The following DNAH9 variants were observed in gnomAD, a reference collection of about 807,000 sequenced individuals.
DNAH9 encodes DNAH9 variant protein.
DNAH9 carries 345 observed loss-of-function variants against 471.6 expected under a neutral mutation model. That is an observed-to-expected ratio of 0.73 (90% CI 0.67 to 0.80). The LOEUF (loss-of-function observed/expected upper bound fraction) is 0.80, where lower values mean the gene tolerates loss of function less well. Ranked by LOEUF, DNAH9 falls within the 30% of genes least tolerant of loss-of-function variation. The pLI is 0.00. For missense variants in DNAH9, 5,407 were observed against 5,609.2 expected (o/e 0.96, Z 1.15); for synonymous variants, 2,093 against 2,123.6 (o/e 0.99, Z 0.40).
At chr17:11,750,032 T>G (rs958816738) in intron 32 of DNAH9, among the ~76,000 whole-genome samples, 1 of 152,176 alleles carries the variant, frequency 6.6e-6, no homozygotes, top group African/African-American at 2.4e-5. Context: ...AGTTAAAATT[T>G]TATTAGATTT....
intron 10 of DNAH9, 59 bp from the exon 11 acceptor site, chr17:11,644,572 C>T (rs1382982884): frequency 1.5e-6 from 2 of 1,294,816 alleles, no homozygotes; most frequent in East Asian, 4.7e-5. Flanking sequence ...GTTTGTTCCT[C>T]GGATTATTAC....
chr17:11,703,102 A>AAAG (rs1555569587), intron 24 of DNAH9, among the ~76,000 whole-genome samples: 3 of 151,324 alleles, frequency 2.0e-5, no homozygotes, highest in African/African-American at 7.3e-5. Flanking sequence ...AAAAAAAAAA[A>AAAG]AAAAGAAAAG....
At chr17:11,826,284 C>T (rs904492124) in intron 48 of DNAH9, among the ~76,000 whole-genome samples, 1 of 152,170 alleles carries the variant, frequency 6.6e-6, no homozygotes, top group Admixed American at 6.6e-5. Flanking sequence ...AGACCACCAC[C>T]AATGACCTTC....
At chr17:11,614,853 A>G (rs1469215517) in intron 4 of DNAH9, among the ~76,000 whole-genome samples, 1 of 152,244 alleles carries the variant, frequency 6.6e-6, no homozygotes, top group African/African-American at 2.4e-5. Context: ...AGAAGCTCTC[A>G]TGGCCTAGTG....
intron 45 of DNAH9, among the ~76,000 whole-genome samples, chr17:11,818,564 A>T (rs891894871): frequency 1.3e-5 from 2 of 152,096 alleles, no homozygotes; most frequent in African/African-American, 2.4e-5. Context: ...AACAGCTTTT[A>T]AAAAAAATTT....
intron 8 of DNAH9, 71 bp from the exon 9 acceptor site, chr17:11,636,563 C>A: frequency 7.7e-7 from 1 of 1,299,880 alleles, no homozygotes; most frequent in Non-Finnish European, 1.1e-6. Context: ...AACCAGAACA[C>A]TGGATTTGTA....
Position 11,768,524 on chromosome 17 carries a change from A to G in DNAH9, c.7242A>G (p.Gln2414=), listed in dbSNP as rs145364113. 2.3e-5 allele frequency: 37 copies of G among 1,614,182 alleles called. No homozygotes were observed. Among genetic ancestry groups the G allele is most frequent in the Non-Finnish European group, 3.1e-5 (37 of 1,180,046 alleles). The change falls in exon 37 of 69, where the codon CAA becomes CAG. Residue 2414 remains glutamine (Q), a synonymous_variant. Coordinates refer to ENST00000262442, the MANE Select transcript of DNAH9 (RefSeq NM_001372.4). The part of the protein sequence containing the change: ...TEFKTVKFPS[Q]GTIFDYYIDP... ...TCAAAACAGTCAAGTTTCCTTCCCA[A>G]GGAACCATCTTTGACTATTACATCG...
At chr17:11,699,611 T>C (rs931811890) in intron 22 of DNAH9, 120 bp from the exon 23 acceptor site, 1 of 831,446 alleles carries the variant, frequency 1.2e-6, no homozygotes, top group African/African-American at 1.7e-5. Flanking sequence ...TCCTTCTAAA[T>C]GCTTGGTATC....
chr17:11,744,851 T>G lies in DNAH9; in HGVS notation c.6166T>G (p.Ser2056Ala). 6.2e-7 allele frequency: 1 copy of G among 1,614,158 alleles called. No individual in the cohort carries two copies. The highest frequency in any genetic ancestry group is 1.1e-5 in the South Asian group (1 of 91,084). The change falls in exon 31 of 69, where the codon TCC (serine) becomes GCC (alanine). Residue 2056 changes from serine (S) to alanine (A), a missense_variant. By Grantham distance (99) the Ser-to-Ala change is moderately conservative. Around this residue, in one of 3 missense-constraint regions of DNAH9, gnomAD observed 4,636 missense variants for 4,900.3 expected, o/e 0.95. Coordinates refer to ENST00000262442, the MANE Select transcript of DNAH9 (RefSeq NM_001372.4). ...AIKSVLVVAG[S>A]LKRGDPDRPE... ...CAAGTCCGTGCTGGTGGTGGCAGGATCCCTGAAGAGAGGAGACCCTGACCG... is the reference window on the plus strand; with the variant it reads ...CAAGTCCGTGCTGGTGGTGGCAGGAGCCCTGAAGAGAGGAGACCCTGACCG...
At chr17:11,895,675 CACA>C (rs1211225076) in intron 59 of DNAH9, among the ~76,000 whole-genome samples, 1 of 152,100 alleles carries the variant, frequency 6.6e-6, no homozygotes, top group Non-Finnish European at 1.5e-5. Context: ...CTTCTATAAC[CACA>C]ACAACATCTT....
At chr17:11,601,494 A>T (rs531146453) in intron 1 of DNAH9, among the ~76,000 whole-genome samples, 6 of 152,288 alleles carry the variant, frequency 3.9e-5, no homozygotes, top group African/African-American at 1.4e-4. Flanking sequence ...GTACGTTTAA[A>T]TTTTTGCCCC....
At position 11,608,201 on chromosome 17, in the gene DNAH9, C is replaced by T. The variant is rs370190328; in HGVS notation, c.490C>T (p.Arg164Trp). ...CCACATGATATGTGAGGATGTCAGG[C>T]GGCACGCCCACAGCCTCCAATGTGA... is the stretch of plus-strand genomic sequence containing the variant. ...WPHMICEDVR[R>W]HAHSLQCDLS... The change falls in exon 2 of 69, where the codon CGG (arginine) becomes TGG (tryptophan). Residue 164 changes from arginine (R) to tryptophan (W), a missense_variant. Arg to Trp is a moderately radical substitution (Grantham distance 101). This residue lies in a region of DNAH9 where 767 missense variants were observed against 692.5 expected (regional missense o/e 1.11). Transcript: ENST00000262442. The T allele has an allele frequency of 2.0e-5, 33 of 1,613,676 alleles. No homozygotes were observed. Among genetic ancestry groups the T allele is most frequent in the South Asian group, 2.2e-5 (2 of 91,052 alleles).
rs577970085 is a variant in DNAH9, at chr17:11,628,229, C to G, written c.1351-1188C>G. On this transcript the variant is annotated intron_variant, in intron 6 of 68. Transcript: ENST00000262442. The stretch of plus-strand genomic sequence containing the variant: ...GATACTCACAAGAGATAAATTCAAT[C>G]TGTCCTGCTAGACGTGCTCAGGAGG... Among the ~76,000 whole-genome samples the G allele has an allele frequency of 5.9e-5, 9 of 152,332 alleles. No homozygotes were observed. In the South Asian group the frequency reaches 1.7e-3, roughly 28 times the overall value.
chr17:11,712,718 C>T (rs1390604175), intron 26 of DNAH9, among the ~76,000 whole-genome samples: 1 of 152,008 alleles, frequency 6.6e-6, no homozygotes, highest in Non-Finnish European at 1.5e-5. Flanking sequence ...ATTCATGCAT[C>T]TTCTTTAGTG....
intron 45 of DNAH9, among the ~76,000 whole-genome samples, chr17:11,821,419 T>C (rs985337251): frequency 6.6e-6 from 1 of 152,162 alleles, no homozygotes; most frequent in Non-Finnish European, 1.5e-5. Flanking sequence ...ATGTACTAAA[T>C]TCCATGAAGC....
intron 45 of DNAH9, among the ~76,000 whole-genome samples, chr17:11,818,042 C>G (rs1463439918): frequency 5.3e-5 from 8 of 152,190 alleles, no homozygotes; most frequent in Admixed American, 5.2e-4. Flanking sequence ...AGTGCAGCAG[C>G]TTCAATGACT....
At chr17:11,780,373 A>T (rs1208500792) in intron 38 of DNAH9, among the ~76,000 whole-genome samples, 3 of 152,222 alleles carry the variant, frequency 2.0e-5, no homozygotes, top group African/African-American at 7.2e-5. Context: ...TTGGCAAAAC[A>T]TCCATTGAGG....
At chr17:11,618,617 A>G (rs2072794091) in intron 5 of DNAH9, among the ~76,000 whole-genome samples, 1 of 150,684 alleles carries the variant, frequency 6.6e-6, no homozygotes, top group South Asian at 2.1e-4. Flanking sequence ...GGGCTTAAGG[A>G]GGTTTGGGTG....
intron 50 of DNAH9, among the ~76,000 whole-genome samples, chr17:11,863,090 T>A (rs1398039579): frequency 6.6e-6 from 1 of 152,252 alleles, no homozygotes; most frequent in East Asian, 1.9e-4. Context: ...GGCGTTCCTG[T>A]CTTGTGCCAG....
Sources: allele counts gnomAD v4.1 joint callset (sites outside exome capture counted in the v4.1 genomes callset), GRCh38; gene constraint gnomAD v4.1.1; regional missense constraint gnomAD v4.1.1; transcripts MANE v1.5; gene names NCBI Gene and HGNC (gene_info 2026-07-23, HGNC 2026-07-21).